The following FRY variants were observed in gnomAD, a reference collection of about 807,000 sequenced individuals.
FRY encodes the protein FRY microtubule binding protein.
In FRY, 128 loss-of-function variants were observed where a neutral mutation model predicts 348.4. The observed-to-expected ratio is 0.37, with a 90% confidence interval of 0.32 to 0.43. FRY has a LOEUF of 0.43. FRY is among the 20% of genes least tolerant of loss of function. The pLI is 1.00. For missense variants in FRY, 2,736 were observed against 3,695.2 expected (o/e 0.74, Z 6.73); for synonymous variants, 1,370 against 1,374.7 (o/e 1.00, Z 0.08).
intron 59 of FRY, among the ~76,000 whole-genome samples, chr13:32,290,583 G>A (rs1056520312): frequency 6.6e-5 from 10 of 151,544 alleles, no homozygotes; most frequent in Non-Finnish European, 1.3e-4. Context: ...GAAGAGAGAG[G>A]GGTAAAGGCG....
intron 13 of FRY, among the ~76,000 whole-genome samples, chr13:32,148,545 C>A (rs889228320): frequency 6.6e-6 from 1 of 152,190 alleles, no homozygotes; most frequent in Non-Finnish European, 1.5e-5. Context: ...TTTCAAAACA[C>A]TTTGTGAGTA....
At chr13:32,171,348 G>C in intron 18 of FRY, 78 bp downstream of exon 18, 1 of 1,286,552 alleles carries the variant, frequency 7.8e-7, no homozygotes, top group African/African-American at 2.0e-5. Flanking sequence ...GTCTTACTCT[G>C]TTGCCCAGGC....
chr13:32,049,363 A>G (rs1873196795), intron 1 of FRY, among the ~76,000 whole-genome samples: 10 of 152,252 alleles, frequency 6.6e-5, no homozygotes, highest in Admixed American at 6.5e-4. Context: ...AAGTTGGGTC[A>G]GATGACAGGG....
rs765991347 is a variant in FRY at position 32,239,857 on chromosome 13, G to C, written c.6663G>C (p.Leu2221Phe). ...ATGAAGCATATGCTGACATTACCTT[G>C]AATATGGTTACCTACCTGGCAGAGG... is the stretch of plus-strand genomic sequence containing the variant. Reference protein sequence around the residue: ...YLHEAYADITLNMVTYLAELL... With the variant: ...YLHEAYADITFNMVTYLAELL... Residue 2221 changes from leucine (L) to phenylalanine (F), a missense_variant, in exon 46 of 61, where the codon TTG becomes TTC. Leu to Phe is a conservative substitution (Grantham distance 22). Around this residue, in one of 9 missense-constraint regions of FRY, gnomAD observed 789 missense variants for 996.2 expected, o/e 0.79. Coordinates refer to ENST00000542859, the MANE Select transcript of FRY (RefSeq NM_023037.3). This position sits in a 1 kb window ranked among gnomAD's most constrained non-coding sequence, Gnocchi z 4.3. 6.2e-7 allele frequency: 1 copy of C among 1,613,898 alleles called. No homozygotes were observed. The highest frequency in any genetic ancestry group is 1.7e-5 in the Admixed American group (1 of 60,000).
intron 28 of FRY, 92 bp from the exon 29 acceptor site, chr13:32,194,051 C>T: frequency 8.0e-7 from 1 of 1,246,058 alleles, no homozygotes; most frequent in Non-Finnish European, 1.2e-6. Flanking sequence ...TTTCATTTTA[C>T]TCAGTTTATA....
chr13:32,262,506 C>T, intron 53 of FRY, 31 bp downstream of exon 53: 1 of 1,567,180 alleles, frequency 6.4e-7, no homozygotes, highest in African/African-American at 1.4e-5. Flanking sequence ...ATGATTTGTA[C>T]TTCCCTTAAA....
At chr13:32,042,794 A>C (rs529110933) in intron 1 of FRY, among the ~76,000 whole-genome samples, 2 of 152,338 alleles carry the variant, frequency 1.3e-5, no homozygotes, top group South Asian at 4.1e-4. Context: ...AGTCACTGGC[A>C]AAGTTGAATG....
intron 29 of FRY, among the ~76,000 whole-genome samples, chr13:32,200,218 A>G (rs1883929904): frequency 6.6e-6 from 1 of 152,240 alleles, no homozygotes; most frequent in Non-Finnish European, 1.5e-5. Flanking sequence ...ATTAAATTTC[A>G]GCATGAGTTC....
chr13:32,266,838 G>T (rs1887949035), intron 54 of FRY, among the ~76,000 whole-genome samples: 1 of 152,164 alleles, frequency 6.6e-6, no homozygotes, highest in African/African-American at 2.4e-5. Flanking sequence ...GCAAATATTT[G>T]CTGGGCATGG....
At chr13:32,054,099 C>A (rs1174096835) in intron 1 of FRY, among the ~76,000 whole-genome samples, 1 of 152,186 alleles carries the variant, frequency 6.6e-6, no homozygotes, top group Non-Finnish European at 1.5e-5. Context: ...ACTGAACTCC[C>A]ATTGTCAGGT....
At chr13:32,189,794 A>T (rs1883227621) in intron 28 of FRY, among the ~76,000 whole-genome samples, 1 of 152,118 alleles carries the variant, frequency 6.6e-6, no homozygotes, top group Non-Finnish European at 1.5e-5. Context: ...ACATTTTGTG[A>T]AACCAGAATA....
intron 31 of FRY, among the ~76,000 whole-genome samples, chr13:32,203,493 A>G (rs1884167850): frequency 6.6e-6 from 1 of 152,064 alleles, no homozygotes; most frequent in African/African-American, 2.4e-5. Context: ...GAGACCGAGG[A>G]GGGCTAATCA....
intron 17 of FRY, among the ~76,000 whole-genome samples, chr13:32,164,593 T>C (rs975113080): frequency 2.0e-5 from 3 of 152,212 alleles, no homozygotes; most frequent in Admixed American, 1.3e-4. Context: ...TTTTTGACTT[T>C]ACATGTATTG....
chr13:32,269,813 C>T (rs900985425), intron 55 of FRY, among the ~76,000 whole-genome samples: 2 of 152,108 alleles, frequency 1.3e-5, no homozygotes, highest in Non-Finnish European at 2.9e-5. Flanking sequence ...GTTTAGTTAA[C>T]ATAAAAGTGA....
intron 2 of FRY, among the ~76,000 whole-genome samples, chr13:32,099,358 TA>T (rs879304620): frequency 1.3e-5 from 2 of 151,056 alleles, no homozygotes; most frequent in Non-Finnish European, 3.0e-5. Context: ...ACACACACAC[TA>T]ACACATACAC....
intron 7 of FRY, among the ~76,000 whole-genome samples, chr13:32,128,173 T>A (rs1286371848): frequency 1.3e-5 from 2 of 152,316 alleles, no homozygotes; most frequent in African/African-American, 4.8e-5. Flanking sequence ...CTACCTTTTA[T>A]CCATCTCTAC....
intron 1 of FRY, among the ~76,000 whole-genome samples, chr13:32,055,626 A>G (rs1196363324): frequency 6.6e-6 from 1 of 152,124 alleles, no homozygotes; most frequent in African/African-American, 2.4e-5. Context: ...CCCCTCTCCA[A>G]AAAATAATTG....
At chr13:32,227,556 G>A (rs1365954295) in intron 39 of FRY, among the ~76,000 whole-genome samples, 3 of 152,138 alleles carry the variant, frequency 2.0e-5, no homozygotes, top group African/African-American at 7.2e-5. Flanking sequence ...GGTATAGAAT[G>A]TCAACCAAGT....
At chr13:32,275,648 A>G (rs1190600053) in intron 56 of FRY, among the ~76,000 whole-genome samples, 1 of 152,216 alleles carries the variant, frequency 6.6e-6, no homozygotes, top group Non-Finnish European at 1.5e-5. Flanking sequence ...CCATGATGCC[A>G]GGTTGCCCAG....
Sources: gnomAD v4.1 joint callset for allele counts (sites outside exome capture counted in the v4.1 genomes callset) on GRCh38, gnomAD v4.1.1 for gene constraint, gnomAD v4.1.1 regional missense constraint, Gnocchi (gnomAD v3.1) non-coding constraint, MANE v1.5 for transcripts, NCBI Gene and HGNC (gene_info 2026-07-23, HGNC 2026-07-21) for gene names.